The following AK5 variants were observed in gnomAD, a reference collection of about 807,000 sequenced individuals.
The protein encoded by AK5 is adenylate kinase isoenzyme 5.
In AK5, 27 loss-of-function variants were observed where a neutral mutation model predicts 69.5. The ratio of observed to expected loss-of-function variants is 0.39; its 90% CI spans 0.29 to 0.54. AK5 has a LOEUF of 0.54. Among genes scored for constraint, AK5 ranks in the 20% least tolerant of loss-of-function variants. The pLI is 0.71. For synonymous variants in AK5, 260 were observed against 244.4 expected (o/e 1.06, Z -0.60); for missense variants, 531 against 700.4 (o/e 0.76, Z 2.73).
intron 9 of AK5, among the ~76,000 whole-genome samples, chr1:77,484,624 G>C (rs1480102757): frequency 1.3e-5 from 2 of 152,138 alleles, no homozygotes; most frequent in Non-Finnish European, 2.9e-5. Context: ...ATGACTGATT[G>C]CCTAAGAAAT....
At chr1:77,486,647 G>A (rs144577368) in intron 10 of AK5, among the ~76,000 whole-genome samples, 1,571 of 150,384 alleles carry the variant, frequency 0.01, 32 homozygotes, top group African/African-American at 0.036. Flanking sequence ...GCAGTGAGCC[G>A]AGATCGCGCC....
At chr1:77,353,628 T>G (rs1662334919) in intron 6 of AK5, among the ~76,000 whole-genome samples, 2 of 152,226 alleles carry the variant, frequency 1.3e-5, no homozygotes, top group African/African-American at 4.8e-5. Context: ...ACTCTGCGTC[T>G]CACTCTGACA....
At chr1:77,353,625 G>A (rs183875068) in intron 6 of AK5, among the ~76,000 whole-genome samples, 25 of 152,232 alleles carry the variant, frequency 1.6e-4, no homozygotes, top group Middle Eastern at 6.8e-3. Flanking sequence ...CCCACTCTGC[G>A]TCTCACTCTG....
rs1013088513 is a variant in AK5 at position 77,403,122 on chromosome 1, C to T, written c.892-7859C>T. On this transcript the variant is annotated intron_variant, in intron 6 of 13. Coordinates refer to ENST00000354567, the MANE Select transcript of AK5 (RefSeq NM_174858.3). ...CTGAGAAGTGTCTGTTCATATCCTT[C>T]GCCCACTTTTTGATGGGGTTGTTTG... Among the ~76,000 whole-genome samples the T allele has an allele frequency of 9.2e-3, 1,393 of 152,096 alleles. 10 individuals carry two copies. The highest frequency in any genetic ancestry group is 0.014 in the Non-Finnish European group (935 of 67,966).
chr1:77,543,991 C>T (rs1369568184), intron 13 of AK5, among the ~76,000 whole-genome samples: 1 of 152,084 alleles, frequency 6.6e-6, no homozygotes, highest in African/African-American at 2.4e-5. Flanking sequence ...CTGAGAAATG[C>T]ATCATTAAGC....
chr1:77,475,177 ATATATATATATATATATATGTG>A (rs1391114267), intron 8 of AK5, among the ~76,000 whole-genome samples: 1 of 5,630 alleles, frequency 1.8e-4, no homozygotes, highest in Non-Finnish European at 9.7e-4. Flanking sequence ...GTATATATAT[ATATATATATATATATATATGTG>A]TGTGTGTGTG....
intron 6 of AK5, among the ~76,000 whole-genome samples, chr1:77,359,538 A>G (rs1646824583): frequency 8.9e-6 from 1 of 111,834 alleles, no homozygotes; most frequent in Admixed American, 1.0e-4. Flanking sequence ...TGATAATCTG[A>G]AAAAAAAATG....
chr1:77,541,766 A>G (rs970034742), intron 13 of AK5, among the ~76,000 whole-genome samples: 3 of 152,092 alleles, frequency 2.0e-5, no homozygotes, highest in Non-Finnish European at 4.4e-5. Flanking sequence ...TCTCTGGCTT[A>G]TAAGCCAGAA....
intron 8 of AK5, among the ~76,000 whole-genome samples, chr1:77,426,734 G>A (rs899010281): frequency 6.6e-6 from 1 of 152,092 alleles, no homozygotes; most frequent in Middle Eastern, 3.2e-3. Context: ...ACTACATTCT[G>A]GGTCATAAAA....
intron 10 of AK5, among the ~76,000 whole-genome samples, chr1:77,491,085 CTG>C (rs1226639547): frequency 1.3e-5 from 2 of 151,990 alleles, no homozygotes; most frequent in Non-Finnish European, 2.9e-5. Flanking sequence ...CTGTGATAAA[CTG>C]TTTTTAAGTA....
intron 6 of AK5, among the ~76,000 whole-genome samples, chr1:77,405,662 A>T (rs1228586932): frequency 6.6e-6 from 1 of 152,130 alleles, no homozygotes; most frequent in Admixed American, 6.6e-5. Context: ...CTGCTCAGAG[A>T]GGCTGGGCAG....
intron 6 of AK5, among the ~76,000 whole-genome samples, chr1:77,378,532 G>A (rs1480627891): frequency 6.6e-6 from 1 of 152,106 alleles, no homozygotes; most frequent in African/African-American, 2.4e-5. Context: ...TGTTGATCAG[G>A]CTGGTCTCAA....
chr1:77,403,612 T>C (rs1649399785), intron 6 of AK5, among the ~76,000 whole-genome samples: 1 of 152,260 alleles, frequency 6.6e-6, no homozygotes. Context: ...GTTGTAGCCA[T>C]GCGGCATTAT....
chr1:77,332,288 T>C (rs749119792), intron 5 of AK5, among the ~76,000 whole-genome samples: 1 of 151,922 alleles, frequency 6.6e-6, no homozygotes, highest in Non-Finnish European at 1.5e-5. Flanking sequence ...TTATTAGTCT[T>C]TTCAAAAAAC....
intron 5 of AK5, among the ~76,000 whole-genome samples, chr1:77,325,377 TAGAA>T (rs1660750122): frequency 6.6e-6 from 1 of 152,148 alleles, no homozygotes; most frequent in Non-Finnish European, 1.5e-5. Flanking sequence ...TAATGACTGA[TAGAA>T]AGGTAATTTG....
At chr1:77,318,891 T>C (rs1392016385) in intron 5 of AK5, among the ~76,000 whole-genome samples, 1 of 152,192 alleles carries the variant, frequency 6.6e-6, no homozygotes, top group Non-Finnish European at 1.5e-5. Flanking sequence ...TAGTTCATCA[T>C]ATTGCTGTGT....
chr1:77,399,455 G>A (rs6663047), intron 6 of AK5, among the ~76,000 whole-genome samples: 60,746 of 151,902 alleles, frequency 0.4, 12,955 homozygotes, highest in East Asian at 0.63. Flanking sequence ...TAATTAGACA[G>A]CCAGATCAAG....
intron 12 of AK5, among the ~76,000 whole-genome samples, chr1:77,531,342 T>G (rs568312562): frequency 8.5e-5 from 13 of 152,172 alleles, no homozygotes; most frequent in Middle Eastern, 3.2e-3. Context: ...CAGGCTAGGA[T>G]CTGGCCCCAC....
At chr1:77,497,631 A>G (rs1656422404) in intron 10 of AK5, among the ~76,000 whole-genome samples, 2 of 152,222 alleles carry the variant, frequency 1.3e-5, no homozygotes, top group South Asian at 2.1e-4. Context: ...TTTCTCACCC[A>G]GGCTGAAGTG....
Sources: gnomAD v4.1 joint callset for allele counts (sites outside exome capture counted in the v4.1 genomes callset) on GRCh38, gnomAD v4.1.1 for gene constraint, MANE v1.5 for transcripts, NCBI Gene and HGNC (gene_info 2026-07-23, HGNC 2026-07-21) for gene names.